Variants in GABRA5 observed in about 807,000 individuals in gnomAD.
GABRA5 encodes gamma-aminobutyric acid type A receptor subunit alpha5.
In GABRA5, 18 loss-of-function variants were observed where a neutral mutation model predicts 47.3. The observed-to-expected ratio is 0.38, with a 90% CI of 0.26 to 0.56. GABRA5 has a LOEUF of 0.56. GABRA5 is among the 20% of genes least tolerant of loss of function. The pLI, the probability that GABRA5 is intolerant of heterozygous loss-of-function variation, is 0.71. For missense variants in GABRA5, 365 were observed against 599.3 expected (o/e 0.61, Z 4.08); for synonymous variants, 237 against 229.3 (o/e 1.03, Z -0.30).
intron 6 of GABRA5, among the ~76,000 whole-genome samples, chr15:26,891,176 A>G (rs1165118194): frequency 1.3e-5 from 2 of 152,176 alleles, no homozygotes; most frequent in Non-Finnish European, 2.9e-5. Flanking sequence ...CACATCTCAC[A>G]CAGGACCACA....
At chr15:26,895,826 A>AAAAAAGAAG (rs1458730535) in intron 6 of GABRA5, among the ~76,000 whole-genome samples, 1 of 136,018 alleles carries the variant, frequency 7.4e-6, no homozygotes, top group Admixed American at 7.3e-5. Flanking sequence ...AAAAAAAAAA[A>AAAAAAGAAG]AAGAAGAAGA....
At chr15:26,908,966 G>A (rs1365965751) in intron 6 of GABRA5, among the ~76,000 whole-genome samples, 1 of 152,184 alleles carries the variant, frequency 6.6e-6, no homozygotes, top group Admixed American at 6.5e-5. Flanking sequence ...AATAACTGCT[G>A]GTCATTAGAC....
At chr15:26,942,386 C>A (rs190842554) in intron 9 of GABRA5, among the ~76,000 whole-genome samples, 46 of 152,284 alleles carry the variant, frequency 3.0e-4, no homozygotes, top group African/African-American at 1.1e-3. Context: ...GGATACTGTT[C>A]CCTCTTTGAG....
chr15:26,884,703 G>GA lies in GABRA5; in HGVS notation c.497+1155dup, dbSNP rs763267008. On this transcript the variant is annotated intron_variant, in intron 6 of 10. Coordinates refer to ENST00000335625, the MANE Select transcript of GABRA5 (RefSeq NM_000810.4). ...ACACTGTGTCCTGTTGATTAAAGGG[G>GA]AAAAAAAAATCAAGCTTTTAAAGAA... Among the ~76,000 whole-genome samples the GA allele has an allele frequency of 1.5e-3, 225 of 151,180 alleles. 1 individual carries two copies. Among genetic ancestry groups the GA allele is most frequent in the African/African-American group, 3.0e-3 (124 of 41,240 alleles).
chr15:26,946,433 G>GTTTT (rs56708714), intron 10 of GABRA5, among the ~76,000 whole-genome samples: 1 of 144,854 alleles, frequency 6.9e-6, no homozygotes, highest in East Asian at 2.0e-4. Flanking sequence ...CAATTTATCT[G>GTTTT]TTTTTTTTTT....
chr15:26,895,826 AAAG>A (rs1220412711), intron 6 of GABRA5, among the ~76,000 whole-genome samples: 14 of 136,052 alleles, frequency 1.0e-4, no homozygotes, highest in African/African-American at 4.0e-4. Context: ...AAAAAAAAAA[AAAG>A]AAGAAGAAGA....
At chr15:26,906,189 G>A (rs1186872424) in intron 6 of GABRA5, among the ~76,000 whole-genome samples, 1 of 151,658 alleles carries the variant, frequency 6.6e-6, no homozygotes, top group Non-Finnish European at 1.5e-5. Flanking sequence ...GAGTTTTTGA[G>A]CTAATATTGT....
At chr15:26,938,056 A>C (rs1322488517) in intron 8 of GABRA5, among the ~76,000 whole-genome samples, 1 of 152,214 alleles carries the variant, frequency 6.6e-6, no homozygotes, top group African/African-American at 2.4e-5. Context: ...TGGCAGAAAG[A>C]GCTCTAAGCC....
At chr15:26,904,081 G>A (rs1179778673) in intron 6 of GABRA5, among the ~76,000 whole-genome samples, 1 of 152,010 alleles carries the variant, frequency 6.6e-6, no homozygotes, top group Non-Finnish European at 1.5e-5. Context: ...TTGTCTTGTA[G>A]GGTTTTTATA....
chr15:26,900,265 TATTATTTTATGC>T (rs893698611), intron 6 of GABRA5, among the ~76,000 whole-genome samples: 65 of 152,308 alleles, frequency 4.3e-4, no homozygotes, highest in East Asian at 2.7e-3. Flanking sequence ...GATTTACAAT[TATTATTTTATGC>T]ATTATTTTAT....
intron 6 of GABRA5, among the ~76,000 whole-genome samples, chr15:26,907,930 ATTCTT>A (rs754399303): frequency 5.3e-5 from 8 of 152,208 alleles, no homozygotes; most frequent in Non-Finnish European, 1.2e-4. Context: ...ACATCCGTGC[ATTCTT>A]TTCTTTAGTA....
At chr15:26,898,481 G>A (rs1421996440) in intron 6 of GABRA5, among the ~76,000 whole-genome samples, 1 of 152,182 alleles carries the variant, frequency 6.6e-6, no homozygotes, top group African/African-American at 2.4e-5. Flanking sequence ...ATAAATATTA[G>A]CTCAAAGTAT....
intron 3 of GABRA5, chr15:26,877,598 G>A (rs1021697359): frequency 6.7e-6 from 3 of 445,638 alleles, no homozygotes; most frequent in African/African-American, 6.1e-5. Flanking sequence ...TATAAGAGAA[G>A]CACGTCACAC....
At chr15:26,871,234 A>T (rs1892464786) in intron 3 of GABRA5, among the ~76,000 whole-genome samples, 1 of 152,186 alleles carries the variant, frequency 6.6e-6, no homozygotes, top group South Asian at 2.1e-4. Flanking sequence ...AAAGAAACAA[A>T]ATCTTAGCCA....
chr15:26,942,084 C>T (rs1440427795), intron 9 of GABRA5, among the ~76,000 whole-genome samples: 4 of 152,200 alleles, frequency 2.6e-5, no homozygotes, highest in Non-Finnish European at 4.4e-5. Context: ...ATGTGAACTG[C>T]GAGAGTCCAG....
chr15:26,875,287 T>G (rs989151903), intron 3 of GABRA5, among the ~76,000 whole-genome samples: 74 of 152,312 alleles, frequency 4.9e-4, no homozygotes, highest in African/African-American at 1.7e-3. Context: ...TGCCCACATC[T>G]GCAATGTCTC....
At chr15:26,930,003 C>CTTTTTTTTTTTTTTTT (rs1203493810) in intron 7 of GABRA5, among the ~76,000 whole-genome samples, 1 of 114,958 alleles carries the variant, frequency 8.7e-6, no homozygotes, top group African/African-American at 3.4e-5. Flanking sequence ...TCTTCTTCTT[C>CTTTTTTTTTTTTTTTT]TTCTTTTTTT....
chr15:26,908,132 A>G (rs1015411459), intron 6 of GABRA5, among the ~76,000 whole-genome samples: 2 of 152,174 alleles, frequency 1.3e-5, no homozygotes, highest in African/African-American at 4.8e-5. Context: ...GTATGCATGC[A>G]TATGTATTTC....
chr15:26,911,125 AGAG>A (rs1247664815), intron 6 of GABRA5, among the ~76,000 whole-genome samples: 2 of 151,686 alleles, frequency 1.3e-5, no homozygotes, highest in Non-Finnish European at 2.9e-5. Context: ...TTCATGTGTT[AGAG>A]GAGAGACACT....
Sources: allele counts gnomAD v4.1 joint callset (sites outside exome capture counted in the v4.1 genomes callset), GRCh38; gene constraint gnomAD v4.1.1; transcripts MANE v1.5; gene names NCBI Gene and HGNC (gene_info 2026-07-23, HGNC 2026-07-21).